Variants in NET1 observed in about 807,000 individuals in gnomAD.
NET1 encodes neuroepithelial cell-transforming gene 1 protein.
A neutral mutation model predicts 61.1 loss-of-function variants in NET1; 42 were observed. The observed-to-expected ratio is 0.69, with a 90% confidence interval of 0.54 to 0.89. NET1 has a LOEUF of 0.89. NET1 is among the 40% of genes least tolerant of loss of function. NET1 has a pLI of 0.00. For synonymous variants in NET1, 254 were observed against 281.8 expected (o/e 0.90, Z 0.99); for missense variants, 654 against 747.3 (o/e 0.88, Z 1.46).
chr10:5,415,440 C>CTTTTTTTTTTTTTTTTTTTTTTT lies in NET1; in HGVS notation c.128+2632_128+2633insTTTTTTTTTTTTTTTTTTTTTTT, dbSNP rs55784274. Among the ~76,000 whole-genome samples, 1 of 145,250 alleles carries CTTTTTTTTTTTTTTTTTTTTTTT rather than the reference C, an allele frequency of 6.9e-6. No individual in the cohort carries two copies. The highest frequency in any genetic ancestry group is 1.5e-5 in the Non-Finnish European group (1 of 66,952). On this transcript the variant is annotated intron_variant, in intron 1 of 11. Coordinates refer to ENST00000355029, the MANE Select transcript of NET1 (RefSeq NM_001047160.3). The surrounding 1 kb of genome is among the most constrained non-coding windows in gnomAD (Gnocchi z 4.7). The stretch of plus-strand genomic sequence containing the variant: ...CATTTTTGGTGGGCCATCCTTTGCT[C>CTTTTTTTTTTTTTTTTTTTTTTT]TTTTTTTTTTTTCTTTTGAGACGGA...
chr10:5,432,975 TTAGTTAAC>T (rs1336889436), intron 3 of NET1, among the ~76,000 whole-genome samples: 3 of 152,192 alleles, frequency 2.0e-5, no homozygotes, highest in East Asian at 3.9e-4. Context: ...CTATGAGCAT[TTAGTTAAC>T]TAGCACTTCT....
At position 5,455,471 on chromosome 10, in the gene NET1, C is replaced by T. The variant is rs767061848; in HGVS notation, c.1197+353C>T. Among the ~76,000 whole-genome samples, 9 of 152,158 alleles carry T rather than the reference C, an allele frequency of 5.9e-5. No individual in the cohort carries two copies. The highest frequency in any genetic ancestry group is 1.3e-4 in the Non-Finnish European group (9 of 68,012). On this transcript the variant is annotated intron_variant, in intron 10 of 11. Coordinates refer to ENST00000355029, the MANE Select transcript of NET1 (RefSeq NM_001047160.3). This position sits in a 1 kb window ranked among gnomAD's most constrained non-coding sequence, Gnocchi z 6.5. ...CTTATGAAAGTGGTTTTTCGCACTA[C>T]ATAACAAATTTCTGAAGCAGATTGA...
Position 5,452,732 on chromosome 10 carries a change from A to T in NET1, c.532-126A>T, listed in dbSNP as rs1832728621. ...CCTTGTATTTGAGATTCCATTCTGA[A>T]TTACAATTTTCAGACTGAGTTACTT... On this transcript the variant is annotated intron_variant, in intron 5 of 11. Transcript: ENST00000355029. The surrounding 1 kb of genome is among the most constrained non-coding windows in gnomAD (Gnocchi z 4.0). The T allele has an allele frequency of 1.0e-6, 1 of 994,798 alleles. No individual in the cohort carries two copies. The highest frequency in any genetic ancestry group is 2.5e-5 in the Admixed American group (1 of 39,972). 61.6% of individuals were successfully genotyped at this position (994,798 alleles called of 1,614,324 possible). A position where few individuals can be genotyped will look rare whatever the true frequency, so the allele number is the denominator to read the frequency against.
rs1322633964 is a variant in NET1, at chr10:5,456,672, A to C, written c.1469A>C (p.Gln490Pro). Residue 490 changes from glutamine (Q) to proline (P), a missense_variant, in exon 12 of 12, where the codon CAG becomes CCG. Transcript: ENST00000355029. This position sits in a 1 kb window ranked among gnomAD's most constrained non-coding sequence, Gnocchi z 7.0. ...CAAGCCAATGACGTGTTCCACAAGC[A>C]GCAGTGGTTCAACTGTATTCGAGCG... is the stretch of plus-strand genomic sequence containing the variant. ...TLQANDVFHKQQWFNCIRAAI... is the reference protein window; with the variant it reads ...TLQANDVFHKPQWFNCIRAAI... 1.2e-6 allele frequency: 2 copies of C among 1,613,862 alleles called. No homozygotes were observed. Among genetic ancestry groups the C allele is most frequent in the Non-Finnish European group, 1.7e-6 (2 of 1,180,004 alleles).
In NET1 at chr10:5,412,612, T is replaced by G. The variant is rs1285075281; in HGVS notation, c.-81T>G. On this transcript the variant is annotated 5_prime_UTR_variant, in exon 1 of 12. Transcript: ENST00000355029. This position sits in a 1 kb window ranked among gnomAD's most constrained non-coding sequence, Gnocchi z 6.5. Reference sequence around the variant, plus strand: ...AGTCCGCTGACAGGCGCTTTCTGCCTGGCAGAGGCTGGCGGGCATCGTGCC... The same window carrying G: ...AGTCCGCTGACAGGCGCTTTCTGCCGGGCAGAGGCTGGCGGGCATCGTGCC... 7.2e-7 allele frequency: 1 copy of G among 1,389,970 alleles called. No homozygotes were observed. The highest frequency in any genetic ancestry group is 3.8e-5 in the Admixed American group (1 of 26,258). 86.1% of individuals were successfully genotyped at this position (1,389,970 alleles called of 1,614,324 possible).
chr10:5,434,825 C>A (rs1832402991), intron 3 of NET1, among the ~76,000 whole-genome samples: 1 of 150,042 alleles, frequency 6.7e-6, no homozygotes, highest in African/African-American at 2.5e-5. Context: ...GACTAGGAAA[C>A]ACTGACATAC....
intron 3 of NET1, among the ~76,000 whole-genome samples, chr10:5,445,220 C>T (rs1458816988): frequency 6.6e-6 from 1 of 152,224 alleles, no homozygotes; most frequent in Non-Finnish European, 1.5e-5. Context: ...GAAATTTTCT[C>T]TTGTTCAAAT....
chr10:5,452,070 G>A lies in NET1; in HGVS notation c.363+133G>A. The A allele has an allele frequency of 6.1e-6, 4 of 657,318 alleles. No individual in the cohort carries two copies. In the East Asian group the frequency reaches 1.1e-4, roughly 18 times the overall value. 40.7% of individuals were successfully genotyped at this position (657,318 alleles called of 1,614,324 possible). On this transcript the variant is annotated intron_variant, in intron 4 of 11. Coordinates refer to ENST00000355029, the MANE Select transcript of NET1 (RefSeq NM_001047160.3). The surrounding 1 kb of genome is among the most constrained non-coding windows in gnomAD (Gnocchi z 4.0). The stretch of plus-strand genomic sequence containing the variant: ...ATAGTTTTCTTTTTGGAATATGCTA[G>A]TAAGGAATATTGTTCCAGAACAATG...
chr10:5,446,596 GCCTGCGGCTC>G lies in NET1; in HGVS notation c.256-5233_256-5224del. 1 of 1,210,974 alleles carries G rather than the reference GCCTGCGGCTC, an allele frequency of 8.3e-7. No homozygotes were observed. The highest frequency in any genetic ancestry group is 1.0e-6 in the Non-Finnish European group (1 of 972,092). 75.0% of individuals were successfully genotyped at this position (1,210,974 alleles called of 1,614,324 possible). ...CCGAGCCCTGGGGTCGGTGCTTGCTGCCTGCGGCTCTCAGAAGCCTCTGCTCCACCGCGGC... is the reference window on the plus strand; with the variant it reads ...CCGAGCCCTGGGGTCGGTGCTTGCTGTCAGAAGCCTCTGCTCCACCGCGGC... On this transcript the variant is annotated intron_variant, in intron 3 of 11. Transcript: ENST00000355029. The surrounding 1 kb of genome is among the most constrained non-coding windows in gnomAD (Gnocchi z 5.0).
chr10:5,429,330 G>T (rs1007249124), intron 3 of NET1, 101 bp downstream of exon 3: 1 of 895,610 alleles, frequency 1.1e-6, no homozygotes, highest in Non-Finnish European at 1.7e-6. Flanking sequence ...GGGTTTTTTT[G>T]TTTTTTTGTT....
At position 5,422,478 on chromosome 10, in the gene NET1, T is replaced by C. The variant is rs535752197; in HGVS notation, c.129-4177T>C. Among the ~76,000 whole-genome samples the C allele has an allele frequency of 1.3e-5, 2 of 152,324 alleles. No homozygotes were observed. Among genetic ancestry groups the C allele is most frequent in the South Asian group, 4.1e-4 (2 of 4,824 alleles). The stretch of plus-strand genomic sequence containing the variant: ...ACACTGTTTCCAAAGAGTACTGGAT[T>C]GTTAATGATGGAAGCCTTCAGAATT... On this transcript the variant is annotated intron_variant, in intron 1 of 11. Coordinates refer to ENST00000355029, the MANE Select transcript of NET1 (RefSeq NM_001047160.3). This position sits in a 1 kb window ranked among gnomAD's most constrained non-coding sequence, Gnocchi z 4.1.
At position 5,423,309 on chromosome 10, in the gene NET1, T is replaced by G. The variant is rs566726295; in HGVS notation, c.129-3346T>G. Among the ~76,000 whole-genome samples, 1 of 152,300 alleles carries G rather than the reference T, an allele frequency of 6.6e-6. No individual in the cohort carries two copies. Among genetic ancestry groups the G allele is most frequent in the African/African-American group, 2.4e-5 (1 of 41,564 alleles). ...TTATCTGGCATGATGGAGGAGGTGG[T>G]GACACAAATCAGAAACTCTGAAAAC... On this transcript the variant is annotated intron_variant, in intron 1 of 11. Transcript: ENST00000355029. The surrounding 1 kb of genome is among the most constrained non-coding windows in gnomAD (Gnocchi z 4.4).
At position 5,433,612 on chromosome 10, in the gene NET1, C is replaced by T. The variant is rs76785483; in HGVS notation, c.255+4383C>T. ...ATATGAAACCCATGGCTCACCTTTT[C>T]TTTCATTGAGTATATTTAATATTTT... On this transcript the variant is annotated intron_variant, in intron 3 of 11. Transcript: ENST00000355029. Among the ~76,000 whole-genome samples, 694 of 152,286 alleles carry T rather than the reference C, an allele frequency of 4.6e-3. 27 individuals are homozygous for T. In the East Asian group the frequency reaches 0.095, roughly 21 times the overall value.
Position 5,457,154 on chromosome 10 carries a change from GAT to G in NET1, c.*164_*165del. ...TTTTCTTTTTTTAATGGCAGCTAAA[GAT>G]ATACAGATTACTGTTAAATTGCAGT... On this transcript the variant is annotated 3_prime_UTR_variant, in exon 12 of 12. Transcript: ENST00000355029. This position sits in a 1 kb window ranked among gnomAD's most constrained non-coding sequence, Gnocchi z 5.4. The G allele has an allele frequency of 7.8e-6, 4 of 513,276 alleles. No homozygotes were observed. The highest frequency in any genetic ancestry group is 1.3e-5 in the Non-Finnish European group (4 of 319,554). The allele number at this position is 513,276 out of a possible 1,614,324, so 31.8% of individuals were successfully genotyped here.
At position 5,415,597 on chromosome 10, in the gene NET1, G is replaced by A. The variant is rs1163096919; in HGVS notation, c.128+2777G>A. On this transcript the variant is annotated intron_variant, in intron 1 of 11. Coordinates refer to ENST00000355029, the MANE Select transcript of NET1 (RefSeq NM_001047160.3). The surrounding 1 kb of genome is among the most constrained non-coding windows in gnomAD (Gnocchi z 4.7). ...TGGAACTACAGGCATGTGTCACCACGTGTGGCTAATTTTTTGTATTTTTAG... is the reference window on the plus strand; with the variant it reads ...TGGAACTACAGGCATGTGTCACCACATGTGGCTAATTTTTTGTATTTTTAG... Among the ~76,000 whole-genome samples the A allele has an allele frequency of 3.3e-5, 5 of 152,082 alleles. No individual in the cohort carries two copies. Among genetic ancestry groups the A allele is most frequent in the South Asian group, 2.1e-4 (1 of 4,822 alleles).
Position 5,426,409 on chromosome 10 carries a change from T to C in NET1, c.129-246T>C, listed in dbSNP as rs572623518. On this transcript the variant is annotated intron_variant, in intron 1 of 11. Coordinates refer to ENST00000355029, the MANE Select transcript of NET1 (RefSeq NM_001047160.3). The surrounding 1 kb of genome is among the most constrained non-coding windows in gnomAD (Gnocchi z 4.6). ...GAGTTTGGCAAATTACTTTTTAAAATAATCTGTTCACTAATTTTATATAGG... is the reference window on the plus strand; with the variant it reads ...GAGTTTGGCAAATTACTTTTTAAAACAATCTGTTCACTAATTTTATATAGG... Among the ~76,000 whole-genome samples the C allele has an allele frequency of 3.3e-5, 5 of 152,298 alleles. No individual in the cohort carries two copies. The South Asian group carries it at 1.0e-3, about 32-fold the overall frequency.
chr10:5,446,951 T>G lies in NET1; in HGVS notation c.256-4879T>G, dbSNP rs550163776. The G allele has an allele frequency of 4.1e-6, 4 of 973,650 alleles. No individual in the cohort carries two copies. Among genetic ancestry groups the G allele is most frequent in the Admixed American group, 5.4e-5 (2 of 36,840 alleles). 60.3% of individuals were successfully genotyped at this position (973,650 alleles called of 1,614,324 possible). Reference sequence around the variant, plus strand: ...TAACAAGGTATTAACAGTATAATTTTAAACTTTTGATCTTATTATTACAAT... The same window carrying G: ...TAACAAGGTATTAACAGTATAATTTGAAACTTTTGATCTTATTATTACAAT... On this transcript the variant is annotated intron_variant, in intron 3 of 11. Transcript: ENST00000355029. The surrounding 1 kb of genome is among the most constrained non-coding windows in gnomAD (Gnocchi z 5.0).
chr10:5,450,001 G>A (rs1832678605), intron 3 of NET1, among the ~76,000 whole-genome samples: 1 of 152,192 alleles, frequency 6.6e-6, no homozygotes, highest in Non-Finnish European at 1.5e-5. Flanking sequence ...TCCAACAGGA[G>A]ACTCTTTGTG....
intron 3 of NET1, among the ~76,000 whole-genome samples, chr10:5,448,329 A>G (rs1183476322): frequency 6.6e-6 from 1 of 152,226 alleles, no homozygotes; most frequent in Non-Finnish European, 1.5e-5. Flanking sequence ...AGTTAGCTGT[A>G]AGGCATAACC....
Sources: allele counts gnomAD v4.1 joint callset (sites outside exome capture counted in the v4.1 genomes callset), GRCh38; gene constraint gnomAD v4.1.1; non-coding constraint Gnocchi (gnomAD v3.1); transcripts MANE v1.5; gene names NCBI Gene and HGNC (gene_info 2026-07-23, HGNC 2026-07-21).